Variants in TAF4B observed in about 807,000 individuals in gnomAD.
TAF4B encodes the protein TATA-box binding protein associated factor 4b.
Under a neutral mutation model 86.4 loss-of-function variants are expected in TAF4B, and 38 were observed. That is an observed-to-expected ratio of 0.44 (90% CI 0.34 to 0.58). The LOEUF is 0.58. Ranked by LOEUF, TAF4B falls within the 20% of genes least tolerant of loss-of-function variation. TAF4B has a pLI of 0.02. For synonymous variants in TAF4B, 388 were observed against 391.2 expected, an observed-to-expected ratio of 0.99 and a Z score of 0.10; for missense variants, 988 against 1,027.6, an observed-to-expected ratio of 0.96 and a Z score of 0.53.
chr18:26,378,527 G>A (rs1168520069), intron 14 of TAF4B, among the ~76,000 whole-genome samples: 1 of 152,086 alleles, frequency 6.6e-6, no homozygotes, highest in Non-Finnish European at 1.5e-5. Flanking sequence ...GAAGTCTTCA[G>A]GAAGGGTTGA....
intron 14 of TAF4B, among the ~76,000 whole-genome samples, chr18:26,368,436 A>G (rs2057385119): frequency 6.6e-6 from 1 of 152,228 alleles, no homozygotes; most frequent in African/African-American, 2.4e-5. Context: ...AAGGTGCATA[A>G]GTAATTTAAC....
At chr18:26,328,348 C>A (rs2144687177) in intron 12 of TAF4B, among the ~76,000 whole-genome samples, 1 of 152,062 alleles carries the variant, frequency 6.6e-6, no homozygotes, top group South Asian at 2.1e-4. Flanking sequence ...ACTCAGGAGG[C>A]TGAGGCAGGG....
At chr18:26,270,102 G>A (rs1214252229) in intron 3 of TAF4B, among the ~76,000 whole-genome samples, 2 of 152,146 alleles carry the variant, frequency 1.3e-5, no homozygotes, top group Non-Finnish European at 2.9e-5. Context: ...ATATTGTGGA[G>A]AGAAAACATA....
chr18:26,239,467 T>A (rs1010188815), intron 1 of TAF4B, among the ~76,000 whole-genome samples: 52 of 152,302 alleles, frequency 3.4e-4, no homozygotes, highest in African/African-American at 1.2e-3. Context: ...GTTTGAGTTC[T>A]CTGTAGATTC....
At chr18:26,371,807 T>G (rs1292964328) in intron 14 of TAF4B, among the ~76,000 whole-genome samples, 1 of 152,084 alleles carries the variant, frequency 6.6e-6, no homozygotes, top group African/African-American at 2.4e-5. Flanking sequence ...CCAAGACCTT[T>G]GAATGAAGGA....
At chr18:26,304,680 C>T (rs2056776272) in intron 9 of TAF4B, 1 of 977,542 alleles carries the variant, frequency 1.0e-6, no homozygotes, top group South Asian at 4.7e-5. Flanking sequence ...TAATCAAGAA[C>T]TAGTGCTAGC....
intron 1 of TAF4B, among the ~76,000 whole-genome samples, chr18:26,245,667 C>T (rs2055912810): frequency 6.6e-6 from 1 of 152,156 alleles, no homozygotes; most frequent in African/African-American, 2.4e-5. Context: ...TTAGAATGCT[C>T]TTGCTGTCTG....
At chr18:26,258,628 C>T (rs143838485) in intron 1 of TAF4B, among the ~76,000 whole-genome samples, 19 of 152,228 alleles carry the variant, frequency 1.2e-4, no homozygotes, top group African/African-American at 4.6e-4. Context: ...TGTTTTCAGC[C>T]TGAAGAACTT....
intron 7 of TAF4B, among the ~76,000 whole-genome samples, chr18:26,290,136 T>A (rs1172003850): frequency 6.6e-6 from 1 of 152,034 alleles, no homozygotes; most frequent in Non-Finnish European, 1.5e-5. Flanking sequence ...AGACAAAAGT[T>A]TTTTTATTTT....
intron 1 of TAF4B, among the ~76,000 whole-genome samples, chr18:26,249,133 C>T (rs2055965615): frequency 6.8e-6 from 1 of 146,952 alleles, no homozygotes; most frequent in Non-Finnish European, 1.5e-5. Flanking sequence ...GATTGTGCCA[C>T]TGCACTCCAA....
chr18:26,288,704 T>G (rs1365499416), intron 7 of TAF4B, among the ~76,000 whole-genome samples: 3 of 152,258 alleles, frequency 2.0e-5, no homozygotes, highest in Non-Finnish European at 4.4e-5. Flanking sequence ...CCCAGATGAC[T>G]TTTCCATTAG....
intron 12 of TAF4B, among the ~76,000 whole-genome samples, chr18:26,328,937 C>T (rs1183926209): frequency 6.6e-5 from 10 of 151,720 alleles, no homozygotes; most frequent in African/African-American, 2.2e-4. Context: ...CTTTTCATTA[C>T]CCTTTCTACA....
Position 26,226,858 on chromosome 18 carries a change from G to A in TAF4B, c.-76G>A, listed in dbSNP as rs1225054855. ...TGGAACCCGAACCGCACCGGAGTCG[G>A]CTGCCGCGCGCCAAGCCTCCCCTCA... On this transcript the variant is annotated 5_prime_UTR_variant, in exon 1 of 15. Coordinates refer to ENST00000269142, the MANE Select transcript of TAF4B (RefSeq NM_005640.3). 8.3e-6 allele frequency: 10 copies of A among 1,210,986 alleles called. No individual in the cohort carries two copies. The highest frequency in any genetic ancestry group is 1.1e-5 in the Non-Finnish European group (10 of 942,132). 75.0% of individuals were successfully genotyped at this position (1,210,986 alleles called of 1,614,324 possible). A position where few individuals can be genotyped will look rare whatever the true frequency, so the allele number is the denominator to read the frequency against.
chr18:26,243,079 GA>G (rs751937002), intron 1 of TAF4B, among the ~76,000 whole-genome samples: 22 of 152,162 alleles, frequency 1.4e-4, no homozygotes, highest in Admixed American at 2.0e-4. Context: ...TGCTCTTCTC[GA>G]GGAGTATCTT....
chr18:26,262,696 G>T (rs992493667), intron 1 of TAF4B, among the ~76,000 whole-genome samples: 23 of 152,208 alleles, frequency 1.5e-4, no homozygotes, highest in Admixed American at 1.4e-3. Context: ...GGCCAGGCTT[G>T]TCTCAAACTC....
intron 2 of TAF4B, chr18:26,266,994 TG>T (rs1341726191): frequency 3.3e-5 from 5 of 152,244 alleles, no homozygotes; most frequent in African/African-American, 1.2e-4. Flanking sequence ...CAGATTGCAT[TG>T]TTTTTTATAA....
intron 13 of TAF4B, among the ~76,000 whole-genome samples, chr18:26,346,897 A>G (rs74532954): frequency 0.045 from 533 of 11,890 alleles, 139 homozygotes; most frequent in Middle Eastern, 0.1. Context: ...ATATATATAT[A>G]TATGTGTGTG....
At chr18:26,347,168 C>T (rs547159546) in intron 13 of TAF4B, among the ~76,000 whole-genome samples, 9 of 151,716 alleles carry the variant, frequency 5.9e-5, no homozygotes, top group African/African-American at 2.2e-4. Flanking sequence ...GATCCGTCCG[C>T]CTCGGCCTCC....
intron 14 of TAF4B, among the ~76,000 whole-genome samples, chr18:26,367,672 G>A (rs919580365): frequency 4.6e-5 from 7 of 152,094 alleles, no homozygotes; most frequent in African/African-American, 1.7e-4. Flanking sequence ...CAGTCAAGTT[G>A]GCACATAAAA....
Sources: allele counts gnomAD v4.1 joint callset (sites outside exome capture counted in the v4.1 genomes callset), GRCh38; gene constraint gnomAD v4.1.1; transcripts MANE v1.5; gene names NCBI Gene and HGNC (gene_info 2026-07-23, HGNC 2026-07-21).